The following SLC39A3 variants were observed in gnomAD, a reference collection of about 807,000 sequenced individuals.
The protein encoded by SLC39A3 is zinc transporter ZIP3.
Under a neutral mutation model 5.1 loss-of-function variants are expected in SLC39A3, and 3 were observed. The observed-to-expected ratio is 0.59, with a 90% confidence interval of 0.27 to 1.54. The LOEUF is 1.54. SLC39A3 is among the 40% of genes most tolerant of loss of function. The pLI is 0.12. For synonymous variants in SLC39A3, 250 were observed against 218.8 expected, an observed-to-expected ratio of 1.14 and a Z score of -1.26; for missense variants, 412 against 436.4, an observed-to-expected ratio of 0.94 and a Z score of 0.50.
intron 1 of SLC39A3, among the ~76,000 whole-genome samples, chr19:2,738,125 G>A (rs1432687122): frequency 4.0e-5 from 6 of 150,004 alleles, no homozygotes; most frequent in African/African-American, 1.5e-4. Context: ...CTTGAACCCA[G>A]GAGGCAGAGG....
chr19:2,738,558 A>T (rs1375676696), intron 1 of SLC39A3, among the ~76,000 whole-genome samples: 1 of 151,978 alleles, frequency 6.6e-6, no homozygotes, highest in East Asian at 1.9e-4. Context: ...CTTTCCCCTG[A>T]CCTTCCAGCG....
rs139950756 is a variant in SLC39A3, at chr19:2,733,503, C to CGA, written c.211-20_211-19dup. 141 of 1,572,770 alleles carry CGA rather than the reference C, an allele frequency of 9.0e-5. 1 individual carries two copies. Among genetic ancestry groups the CGA allele is most frequent in the Admixed American group, 2.8e-4 (16 of 56,834 alleles). On this transcript the variant is annotated intron_variant, in intron 2 of 2. Transcript: ENST00000269740. This position sits in a 1 kb window ranked among gnomAD's most constrained non-coding sequence, Gnocchi z 6.1. ...TTCTGGAGCTGCAGCCGGGGACACCCGAGAGAGAGAGAGAGACCCACGCTC... is the reference window on the plus strand; with the variant it reads ...TTCTGGAGCTGCAGCCGGGGACACCCGAGAGAGAGAGAGAGAGACCCACGCTC...
chr19:2,736,932 C>T (rs770778766), intron 2 of SLC39A3, 116 bp downstream of exon 2: 16 of 1,550,466 alleles, frequency 1.0e-5, no homozygotes, highest in South Asian at 4.7e-5. Context: ...TCCTACTTTC[C>T]GTCACCCTTA....
chr19:2,736,726 G>T, intron 2 of SLC39A3: 1 of 1,418,774 alleles, frequency 7.0e-7, no homozygotes, highest in Non-Finnish European at 9.2e-7. Context: ...GACTGATATA[G>T]GAACCGAAGA....
chr19:2,737,173 T>A lies in SLC39A3; in HGVS notation c.85A>T (p.Ile29Phe). The A allele has an allele frequency of 6.2e-7, 1 of 1,614,118 alleles. No homozygotes were observed. The change falls in exon 2 of 3, where the codon ATC becomes TTC. Residue 29 changes from isoleucine to phenylalanine, a missense_variant. By Grantham distance (21) the Ile-to-Phe change is conservative. Coordinates refer to ENST00000269740, the MANE Select transcript of SLC39A3 (RefSeq NM_144564.5). ...MLLGSLLPVK[I>F]IETDFEKAHR... The stretch of plus-strand genomic sequence containing the variant: ...GCCTTCTCAAAATCTGTCTCGATGA[T>A]CTTCACGGGGAGCAGGGAGCCGAGC...
chr19:2,737,215 C>G lies in SLC39A3; in HGVS notation c.43G>C (p.Val15Leu). ...GAGCCGAGCAGCATGAAGAAGAACA[C>G]GCCCACCATGCACAGGATTTTGGCC... is the stretch of plus-strand genomic sequence containing the variant. The part of the protein sequence containing the change: ...LVAKILCMVG[V>L]FFFMLLGSLL... The change falls in exon 2 of 3, where the codon GTG becomes CTG. Residue 15 changes from valine to leucine, a missense_variant. Val to Leu is a conservative substitution (Grantham distance 32). Transcript: ENST00000269740. The G allele has an allele frequency of 6.2e-7, 1 of 1,614,106 alleles. No individual in the cohort carries two copies.
Position 2,737,142 on chromosome 19 carries a change from C to G in SLC39A3, c.116G>C (p.Arg39Pro), listed in dbSNP as rs35127617. ...GCAGAGAGAGAGGATCTTTTTCGAG[C>G]GATGGGCCTTCTCAAAATCTGTCTC... ...IIETDFEKAHRSKKILSLCNT... is the reference protein window; with the variant it reads ...IIETDFEKAHPSKKILSLCNT... The change falls in exon 2 of 3, where the codon CGC becomes CCC. Residue 39 changes from arginine to proline, a missense_variant. Transcript: ENST00000269740. The G allele has an allele frequency of 4.3e-6, 7 of 1,614,138 alleles. No homozygotes were observed. The Admixed American group carries it at 6.7e-5, about 15-fold the overall frequency.
In SLC39A3 at chr19:2,737,074, C is replaced by T. The variant is rs775797366; in HGVS notation, c.184G>A (p.Ala62Thr). ...GGVFLATCFN[A>T]LLPAVREKLQ... Reference sequence around the variant, plus strand: ...TTTTCCCTCACAGCGGGCAGCAGAGCGTTGAAGCACGTGGCCAGAAACACC... The same window carrying T: ...TTTTCCCTCACAGCGGGCAGCAGAGTGTTGAAGCACGTGGCCAGAAACACC... Residue 62 changes from alanine (A) to threonine (T), a missense_variant, in exon 2 of 3, where the codon GCT (alanine) becomes ACT (threonine). By Grantham distance (58) the Ala-to-Thr change is moderately conservative. Transcript: ENST00000269740. 41 of 1,613,996 alleles carry T rather than the reference C, an allele frequency of 2.5e-5. No individual in the cohort carries two copies. Among genetic ancestry groups the T allele is most frequent in the East Asian group, 1.6e-4 (7 of 44,886 alleles).
chr19:2,736,325 G>T, intron 2 of SLC39A3: 1 of 315,488 alleles, frequency 3.2e-6, no homozygotes, highest in Non-Finnish European at 4.6e-6. Context: ...GGGATACCCT[G>T]TCACCTCTGC....
intron 1 of SLC39A3, among the ~76,000 whole-genome samples, chr19:2,739,176 A>G (rs994405980): frequency 1.3e-5 from 2 of 149,802 alleles, no homozygotes; most frequent in South Asian, 2.1e-4. Flanking sequence ...ATATCCCTGT[A>G]CCCGCCGGAA....
intron 1 of SLC39A3, 58 bp downstream of exon 1, chr19:2,739,887 C>T (rs1914495418): frequency 6.6e-6 from 1 of 152,286 alleles, no homozygotes; most frequent in African/African-American, 2.4e-5. Context: ...AACAGACCCC[C>T]GGCCGCTCAG....
chr19:2,737,430 T>C, intron 1 of SLC39A3, 51 bp from the exon 2 acceptor site: 1 of 1,285,052 alleles, frequency 7.8e-7, no homozygotes, highest in East Asian at 2.6e-5. Context: ...TTCTTTTTTT[T>C]TTTTTAGACA....
rs1914285419 is a variant in SLC39A3, at chr19:2,734,242, G to A, written c.211-757C>T. Among the ~76,000 whole-genome samples, 1 of 152,248 alleles carries A rather than the reference G, an allele frequency of 6.6e-6. No homozygotes were observed. Among genetic ancestry groups the A allele is most frequent in the South Asian group, 2.1e-4 (1 of 4,834 alleles). The stretch of plus-strand genomic sequence containing the variant: ...CTGTAAACGCCCACAACAGCTCCCT[G>A]GAGCCTCGTCACGGCAGGGCCAGAG... On this transcript the variant is annotated intron_variant, in intron 2 of 2. Transcript: ENST00000269740. This position sits in a 1 kb window ranked among gnomAD's most constrained non-coding sequence, Gnocchi z 4.6.
At chr19:2,736,641 C>A in intron 2 of SLC39A3, 2 of 1,041,692 alleles carry the variant, frequency 1.9e-6, no homozygotes, top group South Asian at 2.1e-5. Flanking sequence ...CCCTGACTCA[C>A]AGAAACTGTG....
Position 2,732,877 on chromosome 19 carries a change from G to A in SLC39A3, c.819C>T (p.Phe273=), listed in dbSNP as rs766575439. 2.8e-5 allele frequency: 45 copies of A among 1,611,864 alleles called. No individual in the cohort carries two copies. The highest frequency in any genetic ancestry group is 3.7e-5 in the Non-Finnish European group (44 of 1,179,436). ...GGATCTCCAGGAAGGTGATGAAGAGGAAGGTGCCGCCCGCCAGGCCCTGCA... is the reference window on the plus strand; with the variant it reads ...GGATCTCCAGGAAGGTGATGAAGAGAAAGGTGCCGCCCGCCAGGCCCTGCA... ...VLLQGLAGGT[F]LFITFLEILA... is the part of the protein sequence containing the mutation. The change falls in exon 3 of 3, where the codon TTC becomes TTT. Residue 273 remains phenylalanine, a synonymous_variant. Transcript: ENST00000269740.
chr19:2,738,726 C>T (rs895766881), intron 1 of SLC39A3, among the ~76,000 whole-genome samples: 1 of 151,930 alleles, frequency 6.6e-6, no homozygotes, highest in Non-Finnish European at 1.5e-5. Flanking sequence ...CACCTGAGGT[C>T]GAGAGTTCAA....
At chr19:2,738,091 C>T (rs1416997273) in intron 1 of SLC39A3, among the ~76,000 whole-genome samples, 1 of 148,632 alleles carries the variant, frequency 6.7e-6, no homozygotes, top group Non-Finnish European at 1.5e-5. Context: ...CCCAGCTACT[C>T]TGGAGGCTGA....
rs373723381 is a variant in SLC39A3 at position 2,737,274 on chromosome 19, G to A, written c.-17C>T. On this transcript the variant is annotated 5_prime_UTR_variant, in exon 2 of 3. Transcript: ENST00000269740. ...TTTCACCATGGTGGCGGCTTGGGCTGCTCTGGTCACTGCAGGGCCAAACCA... is the reference window on the plus strand; with the variant it reads ...TTTCACCATGGTGGCGGCTTGGGCTACTCTGGTCACTGCAGGGCCAAACCA... 7 of 1,597,122 alleles carry A rather than the reference G, an allele frequency of 4.4e-6. No individual in the cohort carries two copies. The African/African-American group carries it at 6.7e-5, about 15-fold the overall frequency.
Position 2,735,971 on chromosome 19 carries a change from G to C in SLC39A3, c.210+1077C>G. On this transcript the variant is annotated intron_variant, in intron 2 of 2. Transcript: ENST00000269740. This position sits in a 1 kb window ranked among gnomAD's most constrained non-coding sequence, Gnocchi z 5.7. ...CTTTCGTTGGGAGGAAGAACAGGGG[G>C]TCCTCATATCTCCACCAAGTATGTA... 1.0e-6 allele frequency: 1 copy of C among 985,440 alleles called. No homozygotes were observed. Among genetic ancestry groups the C allele is most frequent in the Non-Finnish European group, 1.2e-6 (1 of 829,956 alleles). The allele number at this position is 985,440 out of a possible 1,614,324, so 61.0% of individuals were successfully genotyped here.
Sources: allele counts gnomAD v4.1 joint callset (sites outside exome capture counted in the v4.1 genomes callset), GRCh38; gene constraint gnomAD v4.1.1; non-coding constraint Gnocchi (gnomAD v3.1); transcripts MANE v1.5; gene names NCBI Gene and HGNC (gene_info 2026-07-23, HGNC 2026-07-21).